PCDHA4: variants seen among roughly 807,000 people sequenced by gnomAD.
PCDHA4 encodes the protein protocadherin alpha 4.
In PCDHA4, 49 loss-of-function variants were observed where a neutral mutation model predicts 61.4. The observed-to-expected ratio is 0.80, with a 90% CI of 0.63 to 1.01. The LOEUF is 1.01. PCDHA4 is among the 50% of genes least tolerant of loss of function. The pLI, the probability that PCDHA4 is intolerant of heterozygous loss-of-function variation, is 0.00. For synonymous variants in PCDHA4, 590 were observed against 550.3 expected, an observed-to-expected ratio of 1.07 and a Z score of -1.01; for missense variants, 1,254 against 1,235.8, an observed-to-expected ratio of 1.01 and a Z score of -0.22.
At chr5:140,923,134 G>C (rs962370475) in intron 1 of PCDHA4, among the ~76,000 whole-genome samples, 2 of 152,106 alleles carry the variant, frequency 1.3e-5, no homozygotes, top group Non-Finnish European at 1.5e-5. Flanking sequence ...CACTTTGAAG[G>C]TGGAATATAA....
intron 1 of PCDHA4, among the ~76,000 whole-genome samples, chr5:140,970,888 A>G (rs1452967166): frequency 6.6e-6 from 1 of 152,154 alleles, no homozygotes; most frequent in Non-Finnish European, 1.5e-5. Flanking sequence ...TTTCTCATGG[A>G]CATTTCAGAT....
intron 1 of PCDHA4, among the ~76,000 whole-genome samples, chr5:140,827,789 G>T (rs1378424997): frequency 1.3e-5 from 2 of 152,206 alleles, no homozygotes; most frequent in Non-Finnish European, 2.9e-5. Context: ...AACACTGACC[G>T]TGCAAATTAC....
chr5:140,869,788 T>A (rs782425741), intron 1 of PCDHA4: 1 of 1,612,892 alleles, frequency 6.2e-7, no homozygotes, highest in East Asian at 2.2e-5. Flanking sequence ...CGTTCGGCTG[T>A]TAGTCCAAGT....
At chr5:141,004,391 G>A (rs62384511) in intron 3 of PCDHA4, among the ~76,000 whole-genome samples, 4 of 152,342 alleles carry the variant, frequency 2.6e-5, no homozygotes, top group East Asian at 3.9e-4. Flanking sequence ...AGCTGGACAT[G>A]TGGAGGAGGC....
intron 1 of PCDHA4, chr5:140,968,986 A>C (rs143656335): frequency 6.8e-6 from 11 of 1,614,206 alleles, no homozygotes; most frequent in East Asian, 6.7e-5. Context: ...ATGGCACTGC[A>C]TGCTGTGGAG....
intron 1 of PCDHA4, among the ~76,000 whole-genome samples, chr5:140,955,521 TC>T (rs2095199105): frequency 6.6e-6 from 1 of 152,142 alleles, no homozygotes; most frequent in Non-Finnish European, 1.5e-5. Context: ...TGCTTTCCCT[TC>T]CACCATGATT....
intron 1 of PCDHA4, chr5:140,926,929 G>A (rs1554203825): frequency 6.3e-7 from 1 of 1,575,722 alleles, no homozygotes; most frequent in South Asian, 1.2e-5. Flanking sequence ...ATGTTTGTGG[G>A]TTTCCTGCGG....
chr5:140,934,235 A>G (rs1202721010), intron 1 of PCDHA4, among the ~76,000 whole-genome samples: 1 of 152,048 alleles, frequency 6.6e-6, no homozygotes, highest in Non-Finnish European at 1.5e-5. Flanking sequence ...TTTGTACTTA[A>G]TTGTGGAGAT....
intron 1 of PCDHA4, chr5:140,830,332 C>T (rs1483373702): frequency 6.2e-7 from 1 of 1,614,016 alleles, no homozygotes; most frequent in Non-Finnish European, 8.5e-7. Context: ...CAGTGGGGAG[C>T]TGGTCGTACT....
intron 1 of PCDHA4, among the ~76,000 whole-genome samples, chr5:140,976,765 C>T (rs1483381591): frequency 6.6e-6 from 1 of 152,172 alleles, no homozygotes; most frequent in Non-Finnish European, 1.5e-5. Context: ...CAGAAGCCTG[C>T]TAGACTCTGA....
In PCDHA4 at chr5:140,982,208, G is replaced by A. The variant is rs146224628; in HGVS notation, c.2445-267G>A. 246 of 434,966 alleles carry A rather than the reference G, an allele frequency of 5.7e-4. 1 individual carries two copies. The highest frequency in any genetic ancestry group is 7.4e-4 in the Non-Finnish European group (200 of 268,658). 26.9% of individuals were successfully genotyped at this position (434,966 alleles called of 1,614,324 possible). ...GGGCTTCCTGTTAGATTTAGTGAGC[G>A]CCACATGGCGTTAATAAAAAACAGA... On this transcript the variant is annotated intron_variant, in intron 2 of 3. Coordinates refer to ENST00000530339, the MANE Select transcript of PCDHA4 (RefSeq NM_018907.4).
At position 140,877,641 on chromosome 5, in the gene PCDHA4, C is replaced by G. The variant is rs548787462; in HGVS notation, c.2385+68069C>G. ...TGCTGCTGTACACTGCGCTGCGTTG[C>G]TCAGCGCCGCCCACCGTGAGCCGGT... On this transcript the variant is annotated intron_variant, in intron 1 of 3. Transcript: ENST00000530339. 6.2e-6 allele frequency: 10 copies of G among 1,613,592 alleles called. 1 individual carries two copies. In the South Asian group the frequency reaches 9.9e-5, roughly 16 times the overall value.
intron 1 of PCDHA4, among the ~76,000 whole-genome samples, chr5:140,914,730 C>T (rs2076816445): frequency 6.6e-6 from 1 of 151,438 alleles, no homozygotes; most frequent in Non-Finnish European, 1.5e-5. Context: ...TTTTGTGTAT[C>T]CATTGTATGT....
chr5:140,884,886 A>G (rs1261353977), intron 1 of PCDHA4, among the ~76,000 whole-genome samples: 1 of 152,220 alleles, frequency 6.6e-6, no homozygotes, highest in Non-Finnish European at 1.5e-5. Flanking sequence ...CAAAACAAGA[A>G]TATTTTGTTT....
chr5:140,875,986 T>C, intron 1 of PCDHA4: 1 of 1,613,998 alleles, frequency 6.2e-7, no homozygotes, highest in East Asian at 2.2e-5. Context: ...GACCTATGCG[T>C]TAAGTCTAAA....
chr5:140,884,791 C>T, intron 1 of PCDHA4: 1 of 1,319,574 alleles, frequency 7.6e-7, no homozygotes, highest in Non-Finnish European at 1.0e-6. Context: ...TAGTTGTTAT[C>T]GAATTTAACA....
At chr5:140,830,180 A>G (rs1770875458) in intron 1 of PCDHA4, 1 of 1,613,474 alleles carries the variant, frequency 6.2e-7, no homozygotes, top group South Asian at 1.1e-5. Flanking sequence ...GGTGGATGTC[A>G]ACGTGTACCT....
At position 140,927,036 on chromosome 5, in the gene PCDHA4, C is replaced by A. The variant is rs137875923; in HGVS notation, c.2386-51913C>A. On this transcript the variant is annotated intron_variant, in intron 1 of 3. Transcript: ENST00000530339. ...CCGCGGACTTGAGGCTGCCAGCGGC[C>A]GCTATGTCCTCGCGGAACTTTCGCT... 9.3e-6 allele frequency: 15 copies of A among 1,612,314 alleles called. No homozygotes were observed. In the East Asian group the frequency reaches 3.3e-4, roughly 36 times the overall value.
At chr5:140,830,225 G>A in intron 1 of PCDHA4, 7 of 1,613,898 alleles carry the variant, frequency 4.3e-6, no homozygotes, top group Non-Finnish European at 5.1e-6. Context: ...CAGCCTGCTG[G>A]TCCTCACGCT....
Sources: gnomAD v4.1 joint callset for allele counts (sites outside exome capture counted in the v4.1 genomes callset) on GRCh38, gnomAD v4.1.1 for gene constraint, MANE v1.5 for transcripts, NCBI Gene and HGNC (gene_info 2026-07-23, HGNC 2026-07-21) for gene names.